PLCB4: variants seen among roughly 807,000 people sequenced by gnomAD.
PLCB4 encodes the protein 1-phosphatidylinositol 4,5-bisphosphate phosphodiesterase beta-4.
Under a neutral mutation model 178.8 loss-of-function variants are expected in PLCB4, and 77 were observed. That is an observed-to-expected ratio of 0.43 (90% CI 0.36 to 0.52). PLCB4 has a LOEUF of 0.52. Among genes scored for constraint, PLCB4 ranks in the 20% least tolerant of loss-of-function variants. The pLI is 0.00. For missense variants in PLCB4, 1,024 were observed against 1,453.4 expected (o/e 0.70, Z 4.80); for synonymous variants, 496 against 490.8 (o/e 1.01, Z -0.14).
intron 4 of PLCB4, among the ~76,000 whole-genome samples, chr20:9,311,254 C>G (rs2094829983): frequency 6.6e-6 from 1 of 152,160 alleles, no homozygotes; most frequent in Admixed American, 6.5e-5. Flanking sequence ...TCCTCAAATG[C>G]TTGGCTACCA....
At chr20:9,404,553 C>T (rs1338495296) in intron 20 of PLCB4, among the ~76,000 whole-genome samples, 6 of 140,584 alleles carry the variant, frequency 4.3e-5, no homozygotes, top group African/African-American at 1.4e-4. Flanking sequence ...TGCAGTGAGC[C>T]AAGATTGTGC....
At chr20:9,247,378 T>C (rs2094136501) in intron 3 of PLCB4, among the ~76,000 whole-genome samples, 1 of 152,224 alleles carries the variant, frequency 6.6e-6, no homozygotes, top group South Asian at 2.1e-4. Flanking sequence ...TTTATGAAGT[T>C]ATGGGTAGGC....
rs370468708 is a variant in PLCB4, at chr20:9,448,650, C to T, written c.2880+4407C>T. Reference sequence around the variant, plus strand: ...TTTTTTTTTTTCTCTCATTGGCTATCATTAGTGTCAGCGTTTTATGTGTGG... The same window carrying T: ...TTTTTTTTTTTCTCTCATTGGCTATTATTAGTGTCAGCGTTTTATGTGTGG... On this transcript the variant is annotated intron_variant, in intron 32 of 39. Coordinates refer to ENST00000378473, the MANE Select transcript of PLCB4 (RefSeq NM_001377142.1). Among the ~76,000 whole-genome samples, 26 of 148,604 alleles carry T rather than the reference C, an allele frequency of 1.7e-4. 1 individual carries two copies. The highest frequency in any genetic ancestry group is 6.4e-4 in the African/African-American group (26 of 40,378).
At chr20:9,086,166 C>G (rs888760697) in intron 1 of PLCB4, among the ~76,000 whole-genome samples, 1 of 152,016 alleles carries the variant, frequency 6.6e-6, no homozygotes, top group Non-Finnish European at 1.5e-5. Flanking sequence ...TGAGAAAAAG[C>G]CATCATGATG....
chr20:9,132,902 A>G (rs1383643026), intron 2 of PLCB4, among the ~76,000 whole-genome samples: 1 of 152,146 alleles, frequency 6.6e-6, no homozygotes, highest in East Asian at 1.9e-4. Flanking sequence ...TGTAGTGACT[A>G]AAATAGAGAT....
intron 4 of PLCB4, among the ~76,000 whole-genome samples, chr20:9,328,142 T>C (rs1011999800): frequency 1.3e-5 from 2 of 152,088 alleles, no homozygotes; most frequent in Non-Finnish European, 2.9e-5. Context: ...GTACATCAAA[T>C]GAGGGGTAAA....
At chr20:9,280,312 C>T (rs1177958926) in intron 3 of PLCB4, 2 of 244,614 alleles carry the variant, frequency 8.2e-6, no homozygotes, top group Non-Finnish European at 1.3e-5. Context: ...CCATTTCCTG[C>T]GGAATTTTGA....
At chr20:9,273,675 AGTGT>A (rs398035325) in intron 3 of PLCB4, among the ~76,000 whole-genome samples, 10,869 of 135,798 alleles carry the variant, frequency 0.08, 786 homozygotes, top group East Asian at 0.26. Context: ...TTATGGTTGC[AGTGT>A]GTGTGTGTGT....
intron 2 of PLCB4, among the ~76,000 whole-genome samples, chr20:9,153,323 G>C (rs867145699): frequency 6.6e-6 from 1 of 152,166 alleles, no homozygotes; most frequent in Non-Finnish European, 1.5e-5. Context: ...AACTCAACTT[G>C]AATTGTGTCT....
At chr20:9,457,298 A>G (rs532747613) in intron 33 of PLCB4, 116 bp from the exon 34 acceptor site, 35 of 676,722 alleles carry the variant, frequency 5.2e-5, no homozygotes, top group South Asian at 4.6e-4. Context: ...CCAATGAGCC[A>G]TGACATCTCA....
chr20:9,263,604 C>T (rs1358835932), intron 3 of PLCB4, among the ~76,000 whole-genome samples: 1 of 152,164 alleles, frequency 6.6e-6, no homozygotes, highest in Non-Finnish European at 1.5e-5. Flanking sequence ...TAGGAACCAA[C>T]ACAGACCAGG....
intron 32 of PLCB4, among the ~76,000 whole-genome samples, chr20:9,445,310 A>T (rs1271376727): frequency 6.6e-6 from 1 of 152,216 alleles, no homozygotes; most frequent in Non-Finnish European, 1.5e-5. Context: ...TAATTTATTA[A>T]TTTGAAAGAA....
chr20:9,325,721 GAA>G (rs1159403476), intron 4 of PLCB4, among the ~76,000 whole-genome samples: 1 of 152,194 alleles, frequency 6.6e-6, no homozygotes, highest in Admixed American at 6.5e-5. Context: ...TCAATCGTTA[GAA>G]ACAGTTTGGC....
chr20:9,233,281 T>C (rs1039158609), intron 3 of PLCB4, among the ~76,000 whole-genome samples: 1 of 152,018 alleles, frequency 6.6e-6, no homozygotes, highest in African/African-American at 2.4e-5. Flanking sequence ...TTTTTTGTAA[T>C]TTTTTTTCTG....
intron 3 of PLCB4, among the ~76,000 whole-genome samples, chr20:9,236,218 T>A (rs1368062363): frequency 2.0e-5 from 3 of 152,178 alleles, no homozygotes; most frequent in African/African-American, 4.8e-5. Context: ...CTGGCACAGA[T>A]AAAACCAAGA....
At chr20:9,262,954 G>A (rs2094312679) in intron 3 of PLCB4, among the ~76,000 whole-genome samples, 1 of 152,190 alleles carries the variant, frequency 6.6e-6, no homozygotes, top group African/African-American at 2.4e-5. Flanking sequence ...AATCCAGGCA[G>A]TGATTGATTT....
chr20:9,221,111 G>A (rs1047988110), intron 3 of PLCB4, among the ~76,000 whole-genome samples: 3 of 152,120 alleles, frequency 2.0e-5, no homozygotes, highest in Non-Finnish European at 4.4e-5. Flanking sequence ...GTGAGTGGGG[G>A]AAGGGAAGGG....
intron 32 of PLCB4, among the ~76,000 whole-genome samples, chr20:9,450,129 A>C (rs1241403326): frequency 6.6e-6 from 1 of 152,248 alleles, no homozygotes; most frequent in Non-Finnish European, 1.5e-5. Flanking sequence ...AAAATGTCCC[A>C]GTTAAGATTT....
intron 1 of PLCB4, among the ~76,000 whole-genome samples, chr20:9,081,697 A>G (rs976469224): frequency 1.3e-5 from 2 of 151,792 alleles, no homozygotes; most frequent in African/African-American, 4.8e-5. Context: ...TCTTAAATGA[A>G]TAAATAACCA....
Sources: gnomAD v4.1 joint callset for allele counts (sites outside exome capture counted in the v4.1 genomes callset) on GRCh38, gnomAD v4.1.1 for gene constraint, MANE v1.5 for transcripts, NCBI Gene and HGNC (gene_info 2026-07-23, HGNC 2026-07-21) for gene names.